The following CDH13 variants were observed in gnomAD, a reference collection of about 807,000 sequenced individuals.
CDH13 encodes cadherin-13.
A neutral mutation model predicts 63.8 loss-of-function variants in CDH13; 24 were observed. The ratio of observed to expected loss-of-function variants is 0.38; its 90% CI spans 0.27 to 0.53. CDH13 has a LOEUF of 0.53. Among genes scored for constraint, CDH13 ranks in the 20% least tolerant of loss-of-function variants. The pLI is 0.85. For synonymous variants in CDH13, 503 were observed against 355.3 expected (o/e 1.42, Z -4.67); for missense variants, 1,049 against 903.1 (o/e 1.16, Z -2.07).
chr16:83,680,957 TAGAGGGA>T (rs1018294851), intron 10 of CDH13, among the ~76,000 whole-genome samples: 2 of 151,858 alleles, frequency 1.3e-5, no homozygotes, highest in South Asian at 2.1e-4. Context: ...TGCACATCTG[TAGAGGGA>T]AGAGGGAAGA....
chr16:82,645,060 C>A (rs992505608), intron 1 of CDH13, among the ~76,000 whole-genome samples: 3 of 152,104 alleles, frequency 2.0e-5, no homozygotes, highest in African/African-American at 7.2e-5. Flanking sequence ...TTCCCAAACC[C>A]CTGAGGTTAA....
In CDH13 at chr16:83,334,361, TCACA is replaced by T. The variant is rs1208427532; in HGVS notation, c.637-10470_637-10467del. Among the ~76,000 whole-genome samples the T allele has an allele frequency of 1.6e-3, 137 of 85,616 alleles. 1 individual carries two copies. The highest frequency in any genetic ancestry group is 6.4e-3 in the African/African-American group (128 of 20,152). The allele number at this position is 85,616 out of a possible 152,430, so 56.2% of individuals were successfully genotyped here. On this transcript the variant is annotated intron_variant, in intron 5 of 13. Coordinates refer to ENST00000567109, the MANE Select transcript of CDH13 (RefSeq NM_001257.5). ...TTCTCCCTCTCTCTCTCTCTCTCTCTCACACACACACACACACACACACACACAC... is the reference window on the plus strand; with the variant it reads ...TTCTCCCTCTCTCTCTCTCTCTCTCTCACACACACACACACACACACACAC...
At chr16:83,747,365 G>A (rs998831152) in intron 10 of CDH13, among the ~76,000 whole-genome samples, 23 of 152,070 alleles carry the variant, frequency 1.5e-4, no homozygotes, top group African/African-American at 5.6e-4. Flanking sequence ...GTTTTATAAA[G>A]GGAAACCCAT....
At chr16:82,930,039 CTTTTTT>C (rs71146098) in intron 2 of CDH13, among the ~76,000 whole-genome samples, 4 of 94,752 alleles carry the variant, frequency 4.2e-5, no homozygotes, top group Admixed American at 1.3e-4. Flanking sequence ...TAGTTTGTCT[CTTTTTT>C]TTTTTTTTTT....
chr16:83,713,930 T>C (rs1051791571), intron 10 of CDH13, among the ~76,000 whole-genome samples: 2 of 152,194 alleles, frequency 1.3e-5, no homozygotes, highest in East Asian at 3.9e-4. Context: ...GCAGTAGCTC[T>C]GGGTCTACAG....
intron 2 of CDH13, among the ~76,000 whole-genome samples, chr16:82,865,297 G>C (rs2040087864): frequency 6.6e-6 from 1 of 152,234 alleles, no homozygotes; most frequent in South Asian, 2.1e-4. Context: ...TCTGTGTGGG[G>C]ATTTCAACCC....
chr16:83,100,761 C>T (rs2034436113), intron 3 of CDH13, among the ~76,000 whole-genome samples: 1 of 152,224 alleles, frequency 6.6e-6, no homozygotes, highest in Admixed American at 6.5e-5. Context: ...AAGTTACAAA[C>T]AGCCATCCCC....
At chr16:83,708,488 T>C (rs1393571381) in intron 10 of CDH13, among the ~76,000 whole-genome samples, 2 of 152,168 alleles carry the variant, frequency 1.3e-5, no homozygotes, top group Non-Finnish European at 2.9e-5. Context: ...TTTCTGTCTT[T>C]TTCTGTCTAG....
intron 8 of CDH13, among the ~76,000 whole-genome samples, chr16:83,604,751 T>G (rs1862727): frequency 0.13 from 20,534 of 152,126 alleles, 2,896 homozygotes; most frequent in African/African-American, 0.36. Flanking sequence ...CAATATAAAC[T>G]TAACGATGGG....
At chr16:82,773,175 G>A (rs1056661571) in intron 1 of CDH13, 1 of 152,264 alleles carries the variant, frequency 6.6e-6, no homozygotes, top group African/African-American at 2.4e-5. Flanking sequence ...CTGGGACATG[G>A]GGCTGAGCCA....
chr16:83,626,182 A>T (rs1307970209), intron 8 of CDH13, among the ~76,000 whole-genome samples: 1 of 151,982 alleles, frequency 6.6e-6, no homozygotes. Context: ...TGAGCTTTTT[A>T]AATTTCTTCA....
At chr16:83,168,768 A>C (rs996053528) in intron 4 of CDH13, among the ~76,000 whole-genome samples, 2 of 152,126 alleles carry the variant, frequency 1.3e-5, no homozygotes, top group African/African-American at 4.8e-5. Flanking sequence ...AGATTAAACT[A>C]TATGTTCAAA....
At chr16:83,087,092 C>G (rs190191603) in intron 3 of CDH13, among the ~76,000 whole-genome samples, 1 of 152,274 alleles carries the variant, frequency 6.6e-6, no homozygotes, top group Non-Finnish European at 1.5e-5. Context: ...TGGCAAAAAA[C>G]AATCAATGAA....
At chr16:82,654,611 A>G (rs1293795126) in intron 1 of CDH13, among the ~76,000 whole-genome samples, 1 of 152,200 alleles carries the variant, frequency 6.6e-6, no homozygotes, top group African/African-American at 2.4e-5. Flanking sequence ...CATTTTCTGG[A>G]CAATTTAATA....
At chr16:83,539,879 G>A (rs2075267519) in intron 7 of CDH13, among the ~76,000 whole-genome samples, 1 of 152,122 alleles carries the variant, frequency 6.6e-6, no homozygotes, top group Non-Finnish European at 1.5e-5. Flanking sequence ...GTCAGAAACT[G>A]GGCATCATCT....
At chr16:82,916,645 CATA>C (rs1408228877) in intron 2 of CDH13, among the ~76,000 whole-genome samples, 1 of 151,878 alleles carries the variant, frequency 6.6e-6, no homozygotes, top group Non-Finnish European at 1.5e-5. Context: ...GATACATTCT[CATA>C]AAGCCCAGTA....
chr16:83,295,138 C>G lies in CDH13; in HGVS notation c.637-49724C>G, dbSNP rs140268823. 1.8e-3 allele frequency among the ~76,000 whole-genome samples: 272 copies of G among 152,198 alleles called. 2 individuals carry two copies. Among genetic ancestry groups the G allele is most frequent in the South Asian group, 7.5e-3 (36 of 4,822 alleles). ...AAGAACACACAATGGGGGAAAAAAA[C>G]TCTTCAATAAATGGCATTTGGGAAA... On this transcript the variant is annotated intron_variant, in intron 5 of 13. Transcript: ENST00000567109.
intron 1 of CDH13, among the ~76,000 whole-genome samples, chr16:82,628,717 T>A (rs2150862229): frequency 6.6e-6 from 1 of 152,176 alleles, no homozygotes; most frequent in African/African-American, 2.4e-5. Flanking sequence ...TGTGAACCAG[T>A]TTTCCAGATG....
At chr16:83,294,462 T>G (rs1322839461) in intron 5 of CDH13, among the ~76,000 whole-genome samples, 1 of 152,134 alleles carries the variant, frequency 6.6e-6, no homozygotes, top group Non-Finnish European at 1.5e-5. Flanking sequence ...CTCAACATTT[T>G]AGCATTCACA....
Sources: allele counts gnomAD v4.1 joint callset (sites outside exome capture counted in the v4.1 genomes callset), GRCh38; gene constraint gnomAD v4.1.1; transcripts MANE v1.5; gene names NCBI Gene and HGNC (gene_info 2026-07-23, HGNC 2026-07-21).